ZNF317: variants seen among roughly 807,000 people sequenced by gnomAD.
ZNF317 encodes the protein zinc finger protein 317, also known as KRAB-containing zinc finger protein 317.
Under a neutral mutation model 23.4 loss-of-function variants are expected in ZNF317, and 17 were observed. That is an observed-to-expected ratio of 0.73 (90% CI 0.50 to 1.09). The LOEUF (loss-of-function observed/expected upper bound fraction) is 1.09, where lower values mean the gene tolerates loss of function less well. ZNF317 is among the 50% of genes least tolerant of loss of function. The pLI, the probability that ZNF317 is intolerant of heterozygous loss-of-function variation, is 0.00. For synonymous variants in ZNF317, 317 were observed against 314.9 expected (o/e 1.01, Z -0.07); for missense variants, 679 against 796.7 (o/e 0.85, Z 1.78).
intron 1 of ZNF317, among the ~76,000 whole-genome samples, chr19:9,149,608 A>C (rs2050718793): frequency 6.6e-6 from 1 of 152,064 alleles, no homozygotes; most frequent in South Asian, 2.1e-4. Flanking sequence ...GCAGGTGCAC[A>C]GACCCTGAGG....
intron 3 of ZNF317, 40 bp downstream of exon 3, chr19:9,156,788 C>T (rs1331015603): frequency 3.1e-6 from 5 of 1,600,150 alleles, no homozygotes; most frequent in Non-Finnish European, 4.3e-6. Context: ...AGGAGAGGCA[C>T]TTCCTGGAAG....
chr19:9,160,148 AC>A lies in ZNF317; in HGVS notation c.504del (p.Tyr168Ter), dbSNP rs1401632544. On this transcript the variant is annotated frameshift_variant, in exon 7 of 7. Transcript: ENST00000247956. LOFTEE classifies it low-confidence loss of function (END_TRUNC). The surrounding 1 kb of genome is among the most constrained non-coding windows in gnomAD (Gnocchi z 6.8). ...RAGLGEKSTE[Y>X]AHLFEVFGMD... ...GGTCTTGGAGAGAAGTCCACTGAATACGCTCACTTGTTCGAAGTCTTTGGCA... is the reference window on the plus strand; with the variant it reads ...GGTCTTGGAGAGAAGTCCACTGAATAGCTCACTTGTTCGAAGTCTTTGGCA... 2 of 1,614,150 alleles carry A rather than the reference AC, an allele frequency of 1.2e-6. No homozygotes were observed. Among genetic ancestry groups the A allele is most frequent in the East Asian group, 4.5e-5 (2 of 44,874 alleles).
intron 1 of ZNF317, among the ~76,000 whole-genome samples, chr19:9,142,544 A>G (rs1327083336): frequency 7.5e-6 from 1 of 133,740 alleles, no homozygotes; most frequent in Non-Finnish European, 1.6e-5. Context: ...TTAACAAGTG[A>G]TTTTTTTTTT....
chr19:9,160,885 G>C lies in ZNF317; in HGVS notation c.1240G>C (p.Val414Leu). The change falls in exon 7 of 7, where the codon GTC (valine) becomes CTC (leucine). Residue 414 changes from valine (V) to leucine (L), a missense_variant. Val to Leu is a conservative substitution (Grantham distance 32). Transcript: ENST00000247956. This position sits in a 1 kb window ranked among gnomAD's most constrained non-coding sequence, Gnocchi z 6.8. The stretch of plus-strand genomic sequence containing the variant: ...GAGGAAACACATGAGGATTCACATC[G>C]TCAAGAAACCCGTGGAATGTCGGCA... Reference protein sequence around the residue: ...SRRKHMRIHIVKKPVECRQCG... With the variant: ...SRRKHMRIHILKKPVECRQCG... 6.2e-7 allele frequency: 1 copy of C among 1,614,192 alleles called. No homozygotes were observed. Among genetic ancestry groups the C allele is most frequent in the Non-Finnish European group, 8.5e-7 (1 of 1,180,038 alleles).
chr19:9,161,462 T>C lies in ZNF317; in HGVS notation c.*29T>C. 6.3e-7 allele frequency: 1 copy of C among 1,582,740 alleles called. No homozygotes were observed. The highest frequency in any genetic ancestry group is 8.6e-7 in the Non-Finnish European group (1 of 1,161,340). On this transcript the variant is annotated 3_prime_UTR_variant, in exon 7 of 7. Transcript: ENST00000247956. The surrounding 1 kb of genome is among the most constrained non-coding windows in gnomAD (Gnocchi z 4.0). ...CGCCTGCTTTAGAGACACAGGATGATTCAGACCGGAAACAGACCTCGTGGG... is the reference window on the plus strand; with the variant it reads ...CGCCTGCTTTAGAGACACAGGATGACTCAGACCGGAAACAGACCTCGTGGG...
rs2050842697 is a variant in ZNF317, at chr19:9,160,755, C to G, written c.1110C>G (p.Ala370=). The part of the protein sequence containing the change: ...KPYACTQCGK[A]FRWKSNFNLH... ...ACGCGTGCACGCAGTGCGGCAAAGC[C>G]TTCCGCTGGAAGTCCAACTTTAATT... Residue 370 remains alanine (A), a synonymous_variant, in exon 7 of 7, where the codon GCC becomes GCG. Coordinates refer to ENST00000247956, the MANE Select transcript of ZNF317 (RefSeq NM_020933.5). This position sits in a 1 kb window ranked among gnomAD's most constrained non-coding sequence, Gnocchi z 6.8. 15 of 1,614,128 alleles carry G rather than the reference C, an allele frequency of 9.3e-6. No homozygotes were observed. In the East Asian group the frequency reaches 3.3e-4, roughly 36 times the overall value.
At chr19:9,157,218 A>G in intron 3 of ZNF317, 50 bp from the exon 4 acceptor site, 2 of 1,598,730 alleles carry the variant, frequency 1.3e-6, no homozygotes, top group South Asian at 2.2e-5. Context: ...CTTACCATGA[A>G]CATCGTTAGG....
chr19:9,148,543 G>A, intron 1 of ZNF317, among the ~76,000 whole-genome samples: 1 of 144,256 alleles, frequency 6.9e-6, no homozygotes, highest in East Asian at 2.0e-4. Flanking sequence ...CATTCCATAG[G>A]CCCCTCCTTT....
intron 1 of ZNF317, among the ~76,000 whole-genome samples, chr19:9,150,112 A>T (rs1251386754): frequency 3.9e-5 from 6 of 152,074 alleles, no homozygotes; most frequent in Non-Finnish European, 8.8e-5. Context: ...GCACAGTTGT[A>T]GGTGTTTAAT....
chr19:9,149,807 G>A (rs189571909), intron 1 of ZNF317, among the ~76,000 whole-genome samples: 81 of 152,226 alleles, frequency 5.3e-4, no homozygotes, highest in African/African-American at 1.9e-3. Flanking sequence ...ATAAAGTTAC[G>A]GCTGTCATGG....
rs1175614235 is a variant in ZNF317 at position 9,161,136 on chromosome 19, T to C, written c.1491T>C (p.Leu497=). Reference sequence around the variant, plus strand: ...GGCGGAGGCACATGAGCGTTCACCTTGTAAAGAAACGAGTTGAGTGTAGGC... The same window carrying C: ...GGCGGAGGCACATGAGCGTTCACCTCGTAAAGAAACGAGTTGAGTGTAGGC... ...LSRRRHMSVH[L]VKKRVECRQC... The change falls in exon 7 of 7, where the codon CTT becomes CTC. Residue 497 remains leucine, a synonymous_variant. Coordinates refer to ENST00000247956, the MANE Select transcript of ZNF317 (RefSeq NM_020933.5). The surrounding 1 kb of genome is among the most constrained non-coding windows in gnomAD (Gnocchi z 4.0). 4 of 1,613,978 alleles carry C rather than the reference T, an allele frequency of 2.5e-6. No homozygotes were observed. The highest frequency in any genetic ancestry group is 2.7e-5 in the African/African-American group (2 of 74,896).
At position 9,158,363 on chromosome 19, in the gene ZNF317, C is replaced by CTTTTTTTTTTTTTTTTTTTT. The variant is rs200591339; in HGVS notation, c.385+297_385+316dup. Reference sequence around the variant, plus strand: ...CTGAATTGCCTTAAATTTCTTTTTTCTTTTTTTTTTTTTTTTTTTTTTTTT... The same window carrying CTTTTTTTTTTTTTTTTTTTT: ...CTGAATTGCCTTAAATTTCTTTTTTCTTTTTTTTTTTTTTTTTTTTTTTTTTTTTTTTTTTTTTTTTTTTT... On this transcript the variant is annotated intron_variant, in intron 5 of 6. Coordinates refer to ENST00000247956, the MANE Select transcript of ZNF317 (RefSeq NM_020933.5). 1.3e-3 allele frequency among the ~76,000 whole-genome samples: 103 copies of CTTTTTTTTTTTTTTTTTTTT among 76,534 alleles called. 24 individuals are homozygous for CTTTTTTTTTTTTTTTTTTTT. Among genetic ancestry groups the CTTTTTTTTTTTTTTTTTTTT allele is most frequent in the African/African-American group, 4.0e-3 (62 of 15,674 alleles). 50.2% of individuals were successfully genotyped at this position (76,534 alleles called of 152,430 possible). A position where few individuals can be genotyped will look rare whatever the true frequency, so the allele number is the denominator to read the frequency against.
chr19:9,156,573 G>A (rs769958319), intron 2 of ZNF317, 39 bp from the exon 3 acceptor site: 32 of 1,601,452 alleles, frequency 2.0e-5, no homozygotes, highest in Non-Finnish European at 2.6e-5. Flanking sequence ...ATGAGACAGG[G>A]CAGGCTCTGA....
intron 4 of ZNF317, chr19:9,157,740 A>G (rs998324550): frequency 1.3e-5 from 15 of 1,134,930 alleles, no homozygotes; most frequent in Admixed American, 3.8e-5. Context: ...TGTTGCCCAG[A>G]CTGATCTTGA....
rs977425553 is a variant in ZNF317, at chr19:9,162,808, C to G, written c.*1375C>G. On this transcript the variant is annotated 3_prime_UTR_variant, in exon 7 of 7. Coordinates refer to ENST00000247956, the MANE Select transcript of ZNF317 (RefSeq NM_020933.5). Reference sequence around the variant, plus strand: ...TCCTTGACCAATGGCATATTGAGATCTATGTGACATGAGGATATTTCTCAG... The same window carrying G: ...TCCTTGACCAATGGCATATTGAGATGTATGTGACATGAGGATATTTCTCAG... 1 of 152,174 alleles carries G rather than the reference C, an allele frequency of 6.6e-6. No individual in the cohort carries two copies. Among genetic ancestry groups the G allele is most frequent in the Admixed American group, 6.5e-5 (1 of 15,278 alleles). The allele number at this position is 152,174 out of a possible 1,614,324, so 9.4% of individuals were successfully genotyped here.
rs2050780466 is a variant in ZNF317 at position 9,156,172 on chromosome 19, CAG to C, written c.25+134_25+135del. The C allele has an allele frequency of 4.2e-6, 5 of 1,183,128 alleles. No individual in the cohort carries two copies. In the Admixed American group the frequency reaches 9.2e-5, roughly 22 times the overall value. The allele number at this position is 1,183,128 out of a possible 1,614,324, so 73.3% of individuals were successfully genotyped here. A position where few individuals can be genotyped will look rare whatever the true frequency, so the allele number is the denominator to read the frequency against. ...TGGGCAAGTGGAAAAGGGGTGGGAA[CAG>C]AGCCCCAGCAGCCACCCCAGTGACT... On this transcript the variant is annotated intron_variant, in intron 2 of 6. Transcript: ENST00000247956.
chr19:9,143,628 A>G (rs1379515893), intron 1 of ZNF317, among the ~76,000 whole-genome samples: 4 of 76,166 alleles, frequency 5.3e-5, no homozygotes. Flanking sequence ...ACATGGCCCC[A>G]TGAGTGCTGT....
chr19:9,148,296 C>G (rs2050705957), intron 1 of ZNF317, among the ~76,000 whole-genome samples: 1 of 152,208 alleles, frequency 6.6e-6, no homozygotes, highest in Non-Finnish European at 1.5e-5. Context: ...GAGAACTTGG[C>G]CAGAAGCTCC....
chr19:9,160,102 C>T lies in ZNF317; in HGVS notation c.469-12C>T. 1 of 1,613,548 alleles carries T rather than the reference C, an allele frequency of 6.2e-7. No homozygotes were observed. The highest frequency in any genetic ancestry group is 8.5e-7 in the Non-Finnish European group (1 of 1,179,492). ...GAATTGCCTTTGTCAGCACTTACGT[C>T]TTAACCAACAGGAAAGAGCCGGTCT... On this transcript the variant is annotated splice_polypyrimidine_tract_variant and intron_variant, in intron 6 of 6. Coordinates refer to ENST00000247956, the MANE Select transcript of ZNF317 (RefSeq NM_020933.5). This position sits in a 1 kb window ranked among gnomAD's most constrained non-coding sequence, Gnocchi z 6.8.
Sources: gnomAD v4.1 joint callset for allele counts (sites outside exome capture counted in the v4.1 genomes callset) on GRCh38, gnomAD v4.1.1 for gene constraint, Gnocchi (gnomAD v3.1) non-coding constraint, MANE v1.5 for transcripts, NCBI Gene and HGNC (gene_info 2026-07-23, HGNC 2026-07-21) for gene names.